The following EMSY variants were observed in gnomAD, a reference collection of about 807,000 sequenced individuals.
EMSY encodes the protein BRCA2-interacting transcriptional repressor EMSY.
Under a neutral mutation model 134.6 loss-of-function variants are expected in EMSY, and 26 were observed. That is an observed-to-expected ratio of 0.19 (90% CI 0.14 to 0.27). The LOEUF (loss-of-function observed/expected upper bound fraction) is 0.27. Among genes scored for constraint, EMSY ranks in the 10% least tolerant of loss-of-function variants. EMSY has a pLI of 1.00. For missense variants in EMSY, 1,305 were observed against 1,611.4 expected, an observed-to-expected ratio of 0.81 and a Z score of 3.26; for synonymous variants, 579 against 577.8, an observed-to-expected ratio of 1.00 and a Z score of -0.03.
chr11:76,470,003 A>G (rs2135308280), intron 7 of EMSY, among the ~76,000 whole-genome samples: 1 of 152,320 alleles, frequency 6.6e-6, no homozygotes, highest in East Asian at 1.9e-4. Flanking sequence ...CCCTTAAAGT[A>G]ATGGACAAGT....
chr11:76,551,199 C>A (rs1951826081), exon 21 of EMSY: 1 of 149,916 alleles, frequency 6.7e-6, no homozygotes, highest in South Asian at 2.1e-4. Context: ...TTTGTTTAAG[C>A]AATATGTTTT....
intron 8 of EMSY, among the ~76,000 whole-genome samples, chr11:76,493,950 A>G (rs1590886939): frequency 6.6e-6 from 1 of 152,148 alleles, no homozygotes; most frequent in Non-Finnish European, 1.5e-5. Flanking sequence ...GGGGCTCCCC[A>G]AGCCTGGGCT....
At chr11:76,529,685 CA>C (rs1203440103) in intron 14 of EMSY, among the ~76,000 whole-genome samples, 2 of 152,058 alleles carry the variant, frequency 1.3e-5, no homozygotes, top group African/African-American at 2.4e-5. Context: ...AGAAAGCATT[CA>C]AAATATTCTT....
intron 4 of EMSY, among the ~76,000 whole-genome samples, chr11:76,457,306 T>G (rs1947913122): frequency 6.6e-6 from 1 of 152,184 alleles, no homozygotes; most frequent in Non-Finnish European, 1.5e-5. Flanking sequence ...GTGAAGAGAT[T>G]GATTATTTCG....
chr11:76,523,611 G>C (rs1359820481), intron 12 of EMSY, among the ~76,000 whole-genome samples: 1 of 151,314 alleles, frequency 6.6e-6, no homozygotes, highest in Non-Finnish European at 1.5e-5. Flanking sequence ...CCTGCTTATG[G>C]TCAATAGATA....
intron 13 of EMSY, 24 bp from the exon 15 acceptor site, chr11:76,528,244 A>G (rs1950913079): frequency 6.3e-7 from 1 of 1,591,128 alleles, no homozygotes; most frequent in South Asian, 1.1e-5. Flanking sequence ...ATTTTATCTC[A>G]GTATATTTCT....
At chr11:76,519,019 A>T (rs1950554874) in intron 11 of EMSY, among the ~76,000 whole-genome samples, 1 of 151,722 alleles carries the variant, frequency 6.6e-6, no homozygotes, top group South Asian at 2.1e-4. Flanking sequence ...TTATTAGAAC[A>T]AGTAATTAAA....
intron 11 of EMSY, among the ~76,000 whole-genome samples, chr11:76,517,590 C>T (rs1374981269): frequency 6.6e-6 from 1 of 152,084 alleles, no homozygotes; most frequent in African/African-American, 2.4e-5. Flanking sequence ...TGTCATGAGT[C>T]CTCTATTTTC....
chr11:76,464,220 T>C, intron 7 of EMSY, 140 bp downstream of exon 8: 1 of 1,093,186 alleles, frequency 9.1e-7, no homozygotes, highest in Non-Finnish European at 1.3e-6. Context: ...TGTTTAATTT[T>C]CCAGATAAGG....
In EMSY at chr11:76,546,154, T is replaced by C. The variant is rs775414269; in HGVS notation, c.3631T>C (p.Cys1211Arg). ...CCAGCAACAGAAATGTAGAGAGTCC[T>C]GTTCGAGTCCATCCACTGTTGGCTC... Residue 1211 changes from cysteine to arginine, a missense_variant, in exon 20 of 21, where the codon TGT becomes CGT. By Grantham distance (180) the Cys-to-Arg change is radical (BLOSUM62 -3). Coordinates refer to ENST00000334736, the Ensembl canonical transcript of EMSY. 9.3e-6 allele frequency: 15 copies of C among 1,614,068 alleles called. No individual in the cohort carries two copies. The Admixed American group carries it at 1.0e-4, about 11-fold the overall frequency.
chr11:76,472,726 A>G (rs752991597), exon 8 of EMSY: 7 of 1,614,112 alleles, frequency 4.3e-6, no homozygotes, highest in Non-Finnish European at 5.9e-6. Context: ...CTCTCTGGTC[A>G]GTAATAGCAG....
At chr11:76,469,223 T>C (rs1406466666) in intron 7 of EMSY, among the ~76,000 whole-genome samples, 1 of 152,238 alleles carries the variant, frequency 6.6e-6, no homozygotes, top group Non-Finnish European at 1.5e-5. Flanking sequence ...GTGTGAATGC[T>C]TCCCTTGCCC....
chr11:76,471,372 A>G (rs1253673555), intron 7 of EMSY, among the ~76,000 whole-genome samples: 1 of 152,100 alleles, frequency 6.6e-6, no homozygotes, highest in East Asian at 1.9e-4. Flanking sequence ...AACATTTTAC[A>G]TTGGTGTGAT....
intron 8 of EMSY, among the ~76,000 whole-genome samples, chr11:76,484,863 G>GGTGGAGGTA (rs1949118062): frequency 1.3e-5 from 2 of 151,956 alleles, no homozygotes; most frequent in Admixed American, 1.3e-4. Context: ...GAACCTGGGA[G>GGTGGAGGTA]GTGGAGGTAG....
chr11:76,459,732 A>T (rs1328689181), intron 5 of EMSY: 1 of 519,476 alleles, frequency 1.9e-6, no homozygotes, highest in African/African-American at 1.9e-5. Context: ...GCTGTTAAAT[A>T]CTTGGGAAAA....
intron 12 of EMSY, among the ~76,000 whole-genome samples, chr11:76,525,365 T>C (rs536196691): frequency 6.6e-6 from 1 of 152,226 alleles, no homozygotes; most frequent in Non-Finnish European, 1.5e-5. Context: ...TTTGTAATTA[T>C]ATTTAGCTCT....
chr11:76,494,676 TTCCTTCCTTCC>T (rs1949563510), intron 8 of EMSY, among the ~76,000 whole-genome samples: 1 of 49,220 alleles, frequency 2.0e-5, no homozygotes, highest in Middle Eastern at 6.9e-3. Context: ...CCTTCCTTCC[TTCCTTCCTTCC>T]TTCCTTCCTT....
intron 14 of EMSY, among the ~76,000 whole-genome samples, chr11:76,533,962 T>G (rs1334277359): frequency 1.3e-5 from 2 of 152,182 alleles, no homozygotes; most frequent in African/African-American, 2.4e-5. Context: ...GTTCACACAC[T>G]CATCTTGTGT....
At chr11:76,481,136 C>G (rs544447823) in intron 8 of EMSY, among the ~76,000 whole-genome samples, 1 of 152,142 alleles carries the variant, frequency 6.6e-6, no homozygotes, top group South Asian at 2.1e-4. Flanking sequence ...CTCTGCCTCC[C>G]GGGTTCACAC....
Sources: allele counts gnomAD v4.1 joint callset (sites outside exome capture counted in the v4.1 genomes callset), GRCh38; gene constraint gnomAD v4.1.1; transcripts MANE v1.5; gene names NCBI Gene and HGNC (gene_info 2026-07-23, HGNC 2026-07-21).